Variants in SCHIP1 observed in about 807,000 individuals in gnomAD.
SCHIP1 encodes the protein schwannomin interacting protein 1.
A neutral mutation model predicts 29.7 loss-of-function variants in SCHIP1; 8 were observed. The observed-to-expected ratio is 0.27, with a 90% CI of 0.16 to 0.49. The LOEUF is 0.49. Ranked by LOEUF, SCHIP1 falls within the 20% of genes least tolerant of loss-of-function variation. SCHIP1 has a pLI of 0.99. For synonymous variants in SCHIP1, 76 were observed against 94.9 expected, an observed-to-expected ratio of 0.80 and a Z score of 1.16; for missense variants, 193 against 294.6, an observed-to-expected ratio of 0.66 and a Z score of 2.52.
At chr3:159,412,759 C>T in the SCHIP1 span, among the ~76,000 whole-genome samples, 2 of 152,096 alleles carry the variant, frequency 1.3e-5, no homozygotes, top group African/African-American at 4.8e-5. Flanking sequence ...TCCCAGTGCC[C>T]CTGGCCCTGC....
the SCHIP1 span, among the ~76,000 whole-genome samples, chr3:159,424,255 A>C: frequency 1.3e-5 from 2 of 152,156 alleles, no homozygotes; most frequent in Non-Finnish European, 2.9e-5. Flanking sequence ...CTACAGGAGG[A>C]AATTCAAACT....
chr3:159,301,631 A>G, the SCHIP1 span, among the ~76,000 whole-genome samples: 5 of 152,226 alleles, frequency 3.3e-5, no homozygotes, highest in East Asian at 9.7e-4. Context: ...TGTTCTCGTG[A>G]TAGTGAGTGG....
At chr3:159,520,362 C>T in the SCHIP1 span, among the ~76,000 whole-genome samples, 13 of 152,060 alleles carry the variant, frequency 8.5e-5, no homozygotes, top group African/African-American at 2.9e-4. Context: ...TGACAAGAAA[C>T]GGCCTAGCGT....
intron 1 of SCHIP1, chr3:159,853,254 G>A: frequency 1.9e-6 from 1 of 534,224 alleles, no homozygotes; most frequent in Non-Finnish European, 3.3e-6. Flanking sequence ...ACACGGCCGG[G>A]CACAGCCTCT....
At chr3:159,441,542 A>G in the SCHIP1 span, among the ~76,000 whole-genome samples, 6 of 152,040 alleles carry the variant, frequency 3.9e-5, no homozygotes, top group Non-Finnish European at 7.4e-5. Context: ...GAAGCCAAGT[A>G]TTATGTGAGA....
At chr3:159,768,595 G>A in the SCHIP1 span, 1 of 152,314 alleles carries the variant, frequency 6.6e-6, no homozygotes, top group South Asian at 2.1e-4. Context: ...GATGGGTTTA[G>A]AAAACTAATC....
the SCHIP1 span, among the ~76,000 whole-genome samples, chr3:159,491,270 C>T: frequency 2.6e-5 from 4 of 152,158 alleles, no homozygotes; most frequent in Non-Finnish European, 4.4e-5. Flanking sequence ...GGACAGTGGG[C>T]GCAGCACACC....
the SCHIP1 span, among the ~76,000 whole-genome samples, chr3:159,688,609 C>T: frequency 1.3e-5 from 2 of 152,070 alleles, no homozygotes; most frequent in African/African-American, 4.8e-5. Context: ...TAATTAGATC[C>T]CATTTGTCAG....
chr3:159,387,686 C>T, the SCHIP1 span, among the ~76,000 whole-genome samples: 40,566 of 152,050 alleles, frequency 0.27, 5,607 homozygotes, highest in Middle Eastern at 0.35. Context: ...TCTGCCATTG[C>T]AGTGCATAAT....
chr3:159,812,020 G>A, the SCHIP1 span, among the ~76,000 whole-genome samples: 2 of 148,700 alleles, frequency 1.3e-5, no homozygotes, highest in Non-Finnish European at 3.0e-5. Flanking sequence ...TGCCCAGGCT[G>A]AAGTGCAGTG....
chr3:159,754,581 T>C, the SCHIP1 span, among the ~76,000 whole-genome samples: 5 of 152,354 alleles, frequency 3.3e-5, no homozygotes, highest in South Asian at 1.0e-3. Context: ...ATAAATGAAC[T>C]TGCTCCTAAA....
the SCHIP1 span, among the ~76,000 whole-genome samples, chr3:159,338,130 A>T: frequency 6.6e-6 from 1 of 152,210 alleles, no homozygotes; most frequent in Non-Finnish European, 1.5e-5. Context: ...AACAAAGCAG[A>T]CACAAATGCT....
chr3:159,521,595 G>A, the SCHIP1 span, among the ~76,000 whole-genome samples: 1 of 152,190 alleles, frequency 6.6e-6, no homozygotes, highest in Non-Finnish European at 1.5e-5. Context: ...CCTGGCCATT[G>A]TCAGCATTTG....
At chr3:159,706,405 C>A in the SCHIP1 span, among the ~76,000 whole-genome samples, 1 of 152,130 alleles carries the variant, frequency 6.6e-6, no homozygotes, top group Non-Finnish European at 1.5e-5. Context: ...CACTGGGCAG[C>A]GATCAAACTA....
intron 4 of SCHIP1, 81 bp from the exon 6 acceptor site, chr3:159,888,739 T>TAACGTTCAGTGTG: frequency 6.4e-7 from 1 of 1,555,490 alleles, no homozygotes; most frequent in African/African-American, 1.4e-5. Context: ...GAGTGGGTCT[T>TAACGTTCAGTGTG]TTAAGAGAAA....
the SCHIP1 span, among the ~76,000 whole-genome samples, chr3:159,411,303 G>C: frequency 6.6e-6 from 1 of 152,076 alleles, no homozygotes; most frequent in African/African-American, 2.4e-5. Context: ...GTAACACAAA[G>C]AAAGGATAAA....
the SCHIP1 span, among the ~76,000 whole-genome samples, chr3:159,370,843 TCA>T: frequency 3.3e-5 from 5 of 152,126 alleles, no homozygotes; most frequent in East Asian, 9.6e-4. Context: ...GCCTTCAGAA[TCA>T]GACTGGGGGT....
chr3:159,634,746 C>T, the SCHIP1 span, among the ~76,000 whole-genome samples: 7 of 152,200 alleles, frequency 4.6e-5, no homozygotes, highest in Admixed American at 1.3e-4. Flanking sequence ...GAATGAGGCT[C>T]GTCACAGCTC....
chr3:159,735,097 A>G, the SCHIP1 span, among the ~76,000 whole-genome samples: 6 of 152,164 alleles, frequency 3.9e-5, no homozygotes, highest in South Asian at 2.1e-4. Context: ...GTCTTAAAGA[A>G]CAATAATAAG....
Sources: gnomAD v4.1 joint callset for allele counts (sites outside exome capture counted in the v4.1 genomes callset) on GRCh38, gnomAD v4.1.1 for gene constraint, MANE v1.5 for transcripts, NCBI Gene and HGNC (gene_info 2026-07-23, HGNC 2026-07-21) for gene names.